The following ZFAND3 variants were observed in gnomAD, a reference collection of about 807,000 sequenced individuals.
ZFAND3 encodes zinc finger AN1-type containing 3, also known as AN1-type zinc finger protein 3.
Under a neutral mutation model 29.6 loss-of-function variants are expected in ZFAND3, and 10 were observed. The observed-to-expected ratio is 0.34, with a 90% CI of 0.21 to 0.57. The LOEUF (loss-of-function observed/expected upper bound fraction) is 0.57. ZFAND3 is among the 20% of genes least tolerant of loss of function. ZFAND3 has a pLI of 0.86. For synonymous variants in ZFAND3, 128 were observed against 112.6 expected, an observed-to-expected ratio of 1.14 and a Z score of -0.87; for missense variants, 230 against 304.5, an observed-to-expected ratio of 0.76 and a Z score of 1.82.
intron 5 of ZFAND3, among the ~76,000 whole-genome samples, chr6:38,120,320 CTTTTTTTTT>C (rs70981523): frequency 3.5e-4 from 21 of 60,732 alleles, no homozygotes; most frequent in African/African-American, 5.1e-4. Context: ...GCTTGGCTTC[CTTTTTTTTT>C]TTTTTTTTTT....
At chr6:37,820,462 C>G (rs889366450) in intron 1 of ZFAND3, among the ~76,000 whole-genome samples, 7 of 152,352 alleles carry the variant, frequency 4.6e-5, no homozygotes, top group Non-Finnish European at 7.4e-5. Context: ...CCCCTCCTCC[C>G]CGTCCTCCGG....
At chr6:38,151,049 G>T (rs558890082) in intron 5 of ZFAND3, among the ~76,000 whole-genome samples, 2 of 152,310 alleles carry the variant, frequency 1.3e-5, no homozygotes, top group East Asian at 3.9e-4. Context: ...TTTTGAAAGA[G>T]GCGGCCAGCA....
At chr6:37,910,449 T>A (rs186591674) in intron 1 of ZFAND3, among the ~76,000 whole-genome samples, 86 of 152,166 alleles carry the variant, frequency 5.7e-4, no homozygotes, top group African/African-American at 1.9e-3. Context: ...TTTCTAGATT[T>A]AAAAAAAATA....
At chr6:37,862,238 G>A (rs1764506100) in intron 1 of ZFAND3, among the ~76,000 whole-genome samples, 1 of 151,980 alleles carries the variant, frequency 6.6e-6, no homozygotes, top group African/African-American at 2.4e-5. Context: ...ATATTGCAAA[G>A]TTCTTGCACT....
At chr6:38,031,119 T>C (rs780678759) in intron 2 of ZFAND3, among the ~76,000 whole-genome samples, 84 of 152,304 alleles carry the variant, frequency 5.5e-4, no homozygotes, top group South Asian at 1.7e-3. Context: ...ACCCAGGTCT[T>C]TCTGTATCCA....
At chr6:37,853,450 C>T (rs1764320664) in intron 1 of ZFAND3, among the ~76,000 whole-genome samples, 1 of 147,470 alleles carries the variant, frequency 6.8e-6, no homozygotes, top group Non-Finnish European at 1.5e-5. Flanking sequence ...TGGACTCATT[C>T]TTGCTCTTTG....
chr6:37,848,072 G>A (rs757869784), intron 1 of ZFAND3, among the ~76,000 whole-genome samples: 12 of 152,212 alleles, frequency 7.9e-5, no homozygotes, highest in Non-Finnish European at 1.5e-4. Flanking sequence ...GATTACCAGT[G>A]ATGATCCCTT....
chr6:37,866,461 TAA>T (rs1764592590), intron 1 of ZFAND3, among the ~76,000 whole-genome samples: 1 of 152,234 alleles, frequency 6.6e-6, no homozygotes, highest in South Asian at 2.1e-4. Context: ...AGAATTAAAT[TAA>T]AAGACAGCTT....
intron 1 of ZFAND3, among the ~76,000 whole-genome samples, chr6:37,896,116 A>C (rs1221273720): frequency 6.6e-6 from 1 of 152,254 alleles, no homozygotes; most frequent in Non-Finnish European, 1.5e-5. Flanking sequence ...TATTTGAAAC[A>C]GAAAGCTCAG....
intron 1 of ZFAND3, among the ~76,000 whole-genome samples, chr6:37,829,716 G>C (rs1008746041): frequency 2.0e-5 from 3 of 152,148 alleles, no homozygotes; most frequent in African/African-American, 4.8e-5. Flanking sequence ...AGCTCACCCT[G>C]TTCCCCCAAC....
At chr6:37,882,815 T>C (rs756580826) in intron 1 of ZFAND3, among the ~76,000 whole-genome samples, 9 of 152,250 alleles carry the variant, frequency 5.9e-5, no homozygotes, top group Non-Finnish European at 8.8e-5. Context: ...GTCTGTTCAC[T>C]GTGGGACTTT....
chr6:38,001,516 A>AGG (rs1762947977), intron 2 of ZFAND3, among the ~76,000 whole-genome samples: 1 of 152,212 alleles, frequency 6.6e-6, no homozygotes, highest in African/African-American at 2.4e-5. Flanking sequence ...AGAGCAACAT[A>AGG]AACTCTATTA....
At chr6:38,017,425 C>T (rs1483593097) in intron 2 of ZFAND3, among the ~76,000 whole-genome samples, 1 of 152,096 alleles carries the variant, frequency 6.6e-6, no homozygotes, top group Admixed American at 6.5e-5. Context: ...TTAGTGTGCC[C>T]AGTGAGCCAT....
intron 1 of ZFAND3, among the ~76,000 whole-genome samples, chr6:37,905,144 A>G (rs1765385857): frequency 6.6e-6 from 1 of 152,160 alleles, no homozygotes; most frequent in Admixed American, 6.5e-5. Flanking sequence ...TATAAATCCT[A>G]TACTCTTGTA....
At chr6:37,832,192 G>T (rs1763875898) in intron 1 of ZFAND3, among the ~76,000 whole-genome samples, 1 of 152,144 alleles carries the variant, frequency 6.6e-6, no homozygotes, top group South Asian at 2.1e-4. Context: ...CAGCAGTAGG[G>T]GGCTGAAAAT....
At chr6:37,977,770 GTTTTTTGTT>G (rs1306996241) in intron 2 of ZFAND3, among the ~76,000 whole-genome samples, 4 of 108,862 alleles carry the variant, frequency 3.7e-5, no homozygotes, top group East Asian at 2.7e-4. Flanking sequence ...GGTTTGCTGA[GTTTTTTGTT>G]TTTTTTTTTT....
At chr6:37,917,474 G>C (rs890504245) in intron 1 of ZFAND3, among the ~76,000 whole-genome samples, 4 of 152,160 alleles carry the variant, frequency 2.6e-5, no homozygotes, top group Non-Finnish European at 5.9e-5. Flanking sequence ...GATTACAAAG[G>C]CAATGAAATA....
chr6:38,080,167 T>G, intron 3 of ZFAND3, among the ~76,000 whole-genome samples: 1 of 148,824 alleles, frequency 6.7e-6, no homozygotes, highest in African/African-American at 2.5e-5. Context: ...AGGGTGGGGG[T>G]CTAGGGGAGG....
intron 1 of ZFAND3, among the ~76,000 whole-genome samples, chr6:37,925,140 GA>G (rs1761459344): frequency 6.6e-6 from 1 of 152,088 alleles, no homozygotes; most frequent in African/African-American, 2.4e-5. Flanking sequence ...GAAATTGTTG[GA>G]TAGTGTTAAG....
Sources: gnomAD v4.1 joint callset for allele counts (sites outside exome capture counted in the v4.1 genomes callset) on GRCh38, gnomAD v4.1.1 for gene constraint, MANE v1.5 for transcripts, NCBI Gene and HGNC (gene_info 2026-07-23, HGNC 2026-07-21) for gene names.